The following GREB1L variants were observed in gnomAD, a reference collection of about 807,000 sequenced individuals.
GREB1L encodes GREB1 like retinoic acid receptor coactivator, also known as GREB1-like protein.
GREB1L carries 17 observed loss-of-function variants against 200.8 expected under a neutral mutation model. That is an observed-to-expected ratio of 0.08 (90% CI 0.06 to 0.13). The LOEUF (loss-of-function observed/expected upper bound fraction) is 0.13. Ranked by LOEUF, GREB1L falls within the 10% of genes least tolerant of loss-of-function variation. The pLI is 1.00. For missense variants in GREB1L, 1,657 were observed against 2,367.7 expected (o/e 0.70, Z 6.23); for synonymous variants, 789 against 893.0 (o/e 0.88, Z 2.08).
intron 1 of GREB1L, among the ~76,000 whole-genome samples, chr18:21,266,301 A>G (rs528992503): frequency 3.9e-4 from 60 of 152,256 alleles, no homozygotes; most frequent in Non-Finnish European, 7.1e-4. Context: ...AAGGGAAAAT[A>G]ACATAGATGG....
chr18:21,303,330 T>C (rs914488997), intron 1 of GREB1L, among the ~76,000 whole-genome samples: 5 of 152,150 alleles, frequency 3.3e-5, no homozygotes, highest in African/African-American at 1.2e-4. Context: ...CCAACTAATC[T>C]CTTAGAATTA....
At chr18:21,390,789 C>G (rs1456272635) in intron 4 of GREB1L, among the ~76,000 whole-genome samples, 1 of 152,102 alleles carries the variant, frequency 6.6e-6, no homozygotes, top group Admixed American at 6.6e-5. Flanking sequence ...CCCGCCTTGG[C>G]CTCCCAAAGT....
chr18:21,510,920 T>A (rs1311596685), intron 27 of GREB1L, among the ~76,000 whole-genome samples: 1 of 152,204 alleles, frequency 6.6e-6, no homozygotes, highest in African/African-American at 2.4e-5. Context: ...ATTGAACATC[T>A]TTTTGTGTGC....
At chr18:21,463,377 C>A (rs993957682) in intron 15 of GREB1L, among the ~76,000 whole-genome samples, 6 of 151,686 alleles carry the variant, frequency 4.0e-5, no homozygotes, top group African/African-American at 1.5e-4. Flanking sequence ...GATCTCCTGA[C>A]CTCATGATCC....
intron 1 of GREB1L, among the ~76,000 whole-genome samples, chr18:21,351,933 C>T (rs191208081): frequency 1.4e-4 from 22 of 152,140 alleles, no homozygotes; most frequent in Admixed American, 5.2e-4. Context: ...CTGCAAGCTC[C>T]GCCTCCCGGA....
At chr18:21,339,469 A>T (rs1323043195) in intron 1 of GREB1L, among the ~76,000 whole-genome samples, 2 of 152,204 alleles carry the variant, frequency 1.3e-5, no homozygotes, top group Non-Finnish European at 2.9e-5. Flanking sequence ...ACCATTTTAC[A>T]TATTCTTTTC....
intron 9 of GREB1L, 27 bp from the exon 10 acceptor site, chr18:21,441,373 T>C: frequency 6.6e-7 from 1 of 1,512,952 alleles, no homozygotes; most frequent in South Asian, 1.3e-5. Context: ...TCACGCCATC[T>C]TTCTTGTCAA....
At chr18:21,425,359 A>G (rs963724208) in intron 7 of GREB1L, among the ~76,000 whole-genome samples, 1 of 152,196 alleles carries the variant, frequency 6.6e-6, no homozygotes, top group Non-Finnish European at 1.5e-5. Context: ...TGCTATGAAC[A>G]TTTGTGCACA....
chr18:21,268,560 CATATATATATATATATATATAT>C (rs370094258), intron 1 of GREB1L, among the ~76,000 whole-genome samples: 1 of 63,520 alleles, frequency 1.6e-5, no homozygotes, highest in African/African-American at 7.5e-5. Context: ...CACACACACA[CATATATATATATATATATATAT>C]ATATATATAT....
At chr18:21,441,305 T>A (rs1289230479) in intron 9 of GREB1L, 95 bp from the exon 10 acceptor site, 1 of 1,037,256 alleles carries the variant, frequency 9.6e-7, no homozygotes, top group Non-Finnish European at 1.3e-6. Flanking sequence ...AGATTTCTAA[T>A]GCTTCTCTGT....
At chr18:21,431,480 G>A (rs1451517322) in intron 7 of GREB1L, among the ~76,000 whole-genome samples, 1 of 152,122 alleles carries the variant, frequency 6.6e-6, no homozygotes, top group Non-Finnish European at 1.5e-5. Context: ...TTTAGATAAT[G>A]TATTTTATAT....
At chr18:21,410,446 CA>C (rs1303322534) in intron 7 of GREB1L, among the ~76,000 whole-genome samples, 2 of 151,720 alleles carry the variant, frequency 1.3e-5, no homozygotes, top group African/African-American at 4.8e-5. Flanking sequence ...GCTTGAGCCC[CA>C]AAGTTCAAGA....
chr18:21,485,503 TCTTA>T (rs764852272), intron 17 of GREB1L, 113 bp from the exon 18 acceptor site: 2 of 862,224 alleles, frequency 2.3e-6, no homozygotes, highest in East Asian at 5.7e-5. Context: ...CAGTATTTTT[TCTTA>T]CTTGTCAGGA....
At chr18:21,431,247 A>G (rs2033131447) in intron 7 of GREB1L, among the ~76,000 whole-genome samples, 2 of 151,692 alleles carry the variant, frequency 1.3e-5, no homozygotes, top group African/African-American at 4.8e-5. Flanking sequence ...CTGGTCCCAA[A>G]CTCCTGACCT....
chr18:21,394,593 G>A (rs2040964382), intron 4 of GREB1L, among the ~76,000 whole-genome samples: 1 of 152,126 alleles, frequency 6.6e-6, no homozygotes, highest in Admixed American at 6.6e-5. Context: ...GTCATGTCAT[G>A]TCATGGTAAA....
chr18:21,472,996 G>T lies in GREB1L; in HGVS notation c.2183-35G>T, dbSNP rs1261150844. 2.8e-6 allele frequency: 4 copies of T among 1,451,482 alleles called. No homozygotes were observed. In the East Asian group the frequency reaches 1.0e-4, roughly 37 times the overall value. 89.9% of individuals were successfully genotyped at this position (1,451,482 alleles called of 1,614,324 possible). A position where few individuals can be genotyped will look rare whatever the true frequency, so the allele number is the denominator to read the frequency against. On this transcript the variant is annotated intron_variant, in intron 15 of 32. Transcript: ENST00000424526. ...CCTGTGTGTGTGTGTATGTGTAAAAGTGTGTTAAAAGATGAACTTTTTTCT... is the reference window on the plus strand; with the variant it reads ...CCTGTGTGTGTGTGTATGTGTAAAATTGTGTTAAAAGATGAACTTTTTTCT...
intron 4 of GREB1L, among the ~76,000 whole-genome samples, chr18:21,389,006 G>A (rs1276433550): frequency 6.6e-6 from 1 of 152,056 alleles, no homozygotes; most frequent in Non-Finnish European, 1.5e-5. Flanking sequence ...GGGGCTGAAG[G>A]AGTGTTATCC....
At chr18:21,438,854 G>A (rs867017721) in intron 7 of GREB1L, among the ~76,000 whole-genome samples, 6 of 150,948 alleles carry the variant, frequency 4.0e-5, no homozygotes, top group African/African-American at 2.4e-5. Context: ...CCAGCTACTC[G>A]GGAGGCTGAG....
intron 1 of GREB1L, among the ~76,000 whole-genome samples, chr18:21,319,948 A>AT (rs1239496187): frequency 6.6e-6 from 1 of 152,236 alleles, no homozygotes; most frequent in South Asian, 2.1e-4. Flanking sequence ...TATCATTCGT[A>AT]TAAAGCAGTC....
Sources: gnomAD v4.1 joint callset for allele counts (sites outside exome capture counted in the v4.1 genomes callset) on GRCh38, gnomAD v4.1.1 for gene constraint, MANE v1.5 for transcripts, NCBI Gene and HGNC (gene_info 2026-07-23, HGNC 2026-07-21) for gene names.